IKBKE: variants seen among roughly 807,000 people sequenced by gnomAD.
IKBKE encodes the protein inhibitor of nuclear factor kappa-B kinase subunit epsilon.
Under a neutral mutation model 92.1 loss-of-function variants are expected in IKBKE, and 45 were observed. The ratio of observed to expected loss-of-function variants is 0.49; its 90% CI spans 0.38 to 0.63. The LOEUF is 0.63. Ranked by LOEUF, IKBKE falls within the 20% of genes least tolerant of loss-of-function variation. IKBKE has a pLI of 0.00. For missense variants in IKBKE, 700 were observed against 932.8 expected, an observed-to-expected ratio of 0.75 and a Z score of 3.25; for synonymous variants, 374 against 380.3, an observed-to-expected ratio of 0.98 and a Z score of 0.19.
Position 206,477,851 on chromosome 1 carries a change from G to T in IKBKE, c.804G>T (p.Gln268His). 6.5e-7 allele frequency: 1 copy of T among 1,549,484 alleles called. No individual in the cohort carries two copies. Among genetic ancestry groups the T allele is most frequent in the Non-Finnish European group, 8.7e-7 (1 of 1,144,406 alleles). Reference protein sequence around the residue: ...EWSYTLPITCQLSLGLQSQLV... With the variant: ...EWSYTLPITCHLSLGLQSQLV... ...GCTACACCCTCCCCATCACCTGCCA[G>T]CTGTCACTGTGAGTGGGACCCTGCT... Residue 268 changes from glutamine to histidine, a missense_variant, in exon 8 of 22, where the codon CAG becomes CAT. Physicochemically the swap from Gln to His is conservative, Grantham distance 24. Coordinates refer to ENST00000581977, the MANE Select transcript of IKBKE (RefSeq NM_014002.4).
chr1:206,473,047 G>C, intron 2 of IKBKE, 149 bp from the exon 3 acceptor site: 1 of 645,174 alleles, frequency 1.5e-6, no homozygotes, highest in Non-Finnish European at 2.8e-6. Context: ...ACCTTTCTGT[G>C]CTTCACACTT....
In IKBKE at chr1:206,490,693, C is replaced by A; in HGVS notation, c.1694-126C>A. 1 of 916,562 alleles carries A rather than the reference C, an allele frequency of 1.1e-6. No individual in the cohort carries two copies. The highest frequency in any genetic ancestry group is 1.8e-6 in the Non-Finnish European group (1 of 560,680). The allele number at this position is 916,562 out of a possible 1,614,324, so 56.8% of individuals were successfully genotyped here. On this transcript the variant is annotated intron_variant, in intron 16 of 21. Transcript: ENST00000581977. The surrounding 1 kb of genome is among the most constrained non-coding windows in gnomAD (Gnocchi z 5.2). The stretch of plus-strand genomic sequence containing the variant: ...CCTCTGCCCCTCCTGCTCCGCTGGG[C>A]GGTGAGTTCCCGTGAAGCAGCACAG...
chr1:206,472,757 G>T, intron 2 of IKBKE: 1 of 210,186 alleles, frequency 4.8e-6, no homozygotes, highest in Admixed American at 6.3e-5. Flanking sequence ...ATTTGTGGTG[G>T]TGTGGGAGAT....
chr1:206,489,367 GTGTATATATATATATA>G (rs1191691532), intron 16 of IKBKE, among the ~76,000 whole-genome samples: 4 of 51,398 alleles, frequency 7.8e-5, no homozygotes, highest in Non-Finnish European at 9.5e-5. Context: ...GTGTGTGTGT[GTGTATATATATATATA>G]TATATATATA....
intron 2 of IKBKE, among the ~76,000 whole-genome samples, chr1:206,471,459 G>A (rs760972573): frequency 8.5e-5 from 13 of 152,162 alleles, no homozygotes; most frequent in Non-Finnish European, 1.3e-4. Context: ...CAGAGCTCCC[G>A]GGCACAGAAT....
rs1325559311 is a variant in IKBKE at position 206,478,250 on chromosome 1, G to C, written c.903G>C (p.Glu301Asp). The change falls in exon 9 of 22, where the codon GAG becomes GAC. Residue 301 changes from glutamate to aspartate, a missense_variant. Physicochemically the swap from Glu to Asp is conservative, Grantham distance 45. Transcript: ENST00000581977. The surrounding 1 kb of genome is among the most constrained non-coding windows in gnomAD (Gnocchi z 4.8). ...GGGGCTTCGACCAGTTCTTTGCGGA[G>C]ACCAGTGACATCCTGCAGCGAGTTG... ...KCWGFDQFFA[E>D]TSDILQRVVV... 1.3e-5 allele frequency: 21 copies of C among 1,614,066 alleles called. No homozygotes were observed. Among genetic ancestry groups the C allele is most frequent in the Non-Finnish European group, 1.8e-5 (21 of 1,180,048 alleles).
rs2103454785 is a variant in IKBKE at position 206,476,337 on chromosome 1, C to T, written c.515C>T (p.Ser172Leu). 2 of 1,613,244 alleles carry T rather than the reference C, an allele frequency of 1.2e-6. No homozygotes were observed. Among genetic ancestry groups the T allele is most frequent in the Non-Finnish European group, 1.7e-6 (2 of 1,179,514 alleles). The stretch of plus-strand genomic sequence containing the variant: ...CTGGATGATGATGAGAAGTTCGTCT[C>T]GGTCTATGGGACTGAGGAGTACCTG... ...RELDDDEKFV[S>L]VYGTEEYLHP... Residue 172 changes from serine (S) to leucine (L), a missense_variant, in exon 6 of 22, where the codon TCG becomes TTG. By Grantham distance (145) the Ser-to-Leu change is moderately radical. Coordinates refer to ENST00000581977, the MANE Select transcript of IKBKE (RefSeq NM_014002.4). This position sits in a 1 kb window ranked among gnomAD's most constrained non-coding sequence, Gnocchi z 5.1.
chr1:206,492,031 A>G, intron 18 of IKBKE: 1 of 354,640 alleles, frequency 2.8e-6, no homozygotes, highest in Non-Finnish European at 5.4e-6. Flanking sequence ...TCCTCTGCAC[A>G]TCACATGGCT....
rs931104746 is a variant in IKBKE at position 206,472,729 on chromosome 1, C to G, written c.-32-467C>G. 2.8e-5 allele frequency: 6 copies of G among 211,228 alleles called. No homozygotes were observed. The East Asian group carries it at 5.4e-4, about 19-fold the overall frequency. The allele number at this position is 211,228 out of a possible 1,614,324, so 13.1% of individuals were successfully genotyped here. ...GGGGCTGGGGGAGTGGCTCTGGACT[C>G]ATGTTGCAATCCTGGAGATTTGTGG... On this transcript the variant is annotated intron_variant, in intron 2 of 21. Coordinates refer to ENST00000581977, the MANE Select transcript of IKBKE (RefSeq NM_014002.4).
At chr1:206,472,032 C>T (rs1664802626) in intron 2 of IKBKE, among the ~76,000 whole-genome samples, 2 of 152,174 alleles carry the variant, frequency 1.3e-5, no homozygotes, top group Admixed American at 6.5e-5. Flanking sequence ...GCCGGATTGC[C>T]TGAGCTCAGG....
At chr1:206,474,685 C>T in intron 4 of IKBKE, 180 bp from the exon 5 acceptor site, 1 of 824,908 alleles carries the variant, frequency 1.2e-6, no homozygotes, top group South Asian at 1.8e-5. Context: ...AGAGGGCTTC[C>T]TGGAATAACT....
Position 206,479,139 on chromosome 1 carries a change from T to A in IKBKE, c.1183+6T>A, listed in dbSNP as rs1553386331. On this transcript the variant is annotated splice_donor_region_variant and intron_variant, in intron 10 of 21. Coordinates refer to ENST00000581977, the MANE Select transcript of IKBKE (RefSeq NM_014002.4). ...GGGGCTGGCCTTCAGGGACCGTGAGTAGAGCCACCTGGGCTGGATCTTTCT... is the reference window on the plus strand; with the variant it reads ...GGGGCTGGCCTTCAGGGACCGTGAGAAGAGCCACCTGGGCTGGATCTTTCT... The A allele has an allele frequency of 6.3e-7, 1 of 1,581,614 alleles. No homozygotes were observed. The highest frequency in any genetic ancestry group is 8.6e-7 in the Non-Finnish European group (1 of 1,163,718).
At chr1:206,492,197 G>T in intron 18 of IKBKE, 2 of 340,702 alleles carry the variant, frequency 5.9e-6, no homozygotes, top group Non-Finnish European at 1.2e-5. Context: ...AACACTAGGT[G>T]CCCCTGGGAT....
At chr1:206,482,639 G>A (rs1665466834) in intron 13 of IKBKE, among the ~76,000 whole-genome samples, 1 of 152,234 alleles carries the variant, frequency 6.6e-6, no homozygotes, top group Non-Finnish European at 1.5e-5. Context: ...TTGTGAGCAG[G>A]GAGCCAGAGG....
chr1:206,491,389 C>T, intron 17 of IKBKE: 1 of 432,906 alleles, frequency 2.3e-6, no homozygotes, highest in Non-Finnish European at 4.3e-6. Context: ...TAAGCTTGAG[C>T]ACATGTGTGT....
intron 16 of IKBKE, 143 bp downstream of exon 16, chr1:206,488,133 A>T: frequency 1.5e-6 from 1 of 664,890 alleles, no homozygotes; most frequent in Non-Finnish European, 2.7e-6. Flanking sequence ...TTGGAGGCCC[A>T]CTAAGCGGAT....
rs2103455943 is a variant in IKBKE at position 206,476,743 on chromosome 1, G to A, written c.606G>A (p.Val202=). The change falls in exon 7 of 22, where the codon GTG becomes GTA. Residue 202 remains valine, a synonymous_variant. Transcript: ENST00000581977. The surrounding 1 kb of genome is among the most constrained non-coding windows in gnomAD (Gnocchi z 5.1). ...KPQQKAFGVT[V]DLWSIGVTLY... Reference sequence around the variant, plus strand: ...AGCAAAAAGCGTTCGGGGTGACTGTGGATCTCTGGAGCATTGGAGTGACCT... The same window carrying A: ...AGCAAAAAGCGTTCGGGGTGACTGTAGATCTCTGGAGCATTGGAGTGACCT... The A allele has an allele frequency of 6.2e-7, 1 of 1,614,246 alleles. No homozygotes were observed. The highest frequency in any genetic ancestry group is 8.5e-7 in the Non-Finnish European group (1 of 1,180,044).
At chr1:206,482,157 G>T (rs531198137) in intron 13 of IKBKE, among the ~76,000 whole-genome samples, 1 of 152,230 alleles carries the variant, frequency 6.6e-6, no homozygotes, top group South Asian at 2.1e-4. Context: ...GAAGAAAAGG[G>T]CCCTGTTCGG....
chr1:206,496,313 C>A lies in IKBKE; in HGVS notation c.*168C>A. 1.6e-6 allele frequency: 1 copy of A among 639,314 alleles called. No individual in the cohort carries two copies. Among genetic ancestry groups the A allele is most frequent in the Non-Finnish European group, 2.8e-6 (1 of 352,814 alleles). 39.6% of individuals were successfully genotyped at this position (639,314 alleles called of 1,614,324 possible). A position where few individuals can be genotyped will look rare whatever the true frequency, so the allele number is the denominator to read the frequency against. ...GCATTACCTTCCACTGCCTTTCTCC[C>A]TGGGAAGCAGCACAGCTGAGACTGG... On this transcript the variant is annotated 3_prime_UTR_variant, in exon 22 of 22. Coordinates refer to ENST00000581977, the MANE Select transcript of IKBKE (RefSeq NM_014002.4).
Sources: allele counts gnomAD v4.1 joint callset (sites outside exome capture counted in the v4.1 genomes callset), GRCh38; gene constraint gnomAD v4.1.1; non-coding constraint Gnocchi (gnomAD v3.1); transcripts MANE v1.5; gene names NCBI Gene and HGNC (gene_info 2026-07-23, HGNC 2026-07-21).